RIMS1: variants seen among roughly 807,000 people sequenced by gnomAD.
RIMS1 encodes regulating synaptic membrane exocytosis protein 1.
RIMS1 carries 83 observed loss-of-function variants against 214.1 expected under a neutral mutation model. The observed-to-expected ratio is 0.39, with a 90% CI of 0.32 to 0.47. The LOEUF (loss-of-function observed/expected upper bound fraction) is 0.47. RIMS1 is among the 20% of genes least tolerant of loss of function. RIMS1 has a pLI of 0.99. For synonymous variants in RIMS1, 793 were observed against 786.8 expected (o/e 1.01, Z -0.13); for missense variants, 2,050 against 2,161.8 (o/e 0.95, Z 1.03).
chr6:72,034,336 T>C (rs979269940), intron 2 of RIMS1, among the ~76,000 whole-genome samples: 2 of 152,180 alleles, frequency 1.3e-5, no homozygotes, highest in African/African-American at 2.4e-5. Flanking sequence ...TCTATACTTA[T>C]TTGCTAAATC....
Position 72,152,906 on chromosome 6 carries a change from A to G in RIMS1, c.472-26669A>G, listed in dbSNP as rs1347675625. Among the ~76,000 whole-genome samples, 61 of 110,530 alleles carry G rather than the reference A, an allele frequency of 5.5e-4. No individual in the cohort carries two copies. In the East Asian group the frequency reaches 7.3e-3, roughly 13 times the overall value. The allele number at this position is 110,530 out of a possible 152,430, so 72.5% of individuals were successfully genotyped here. A position where few individuals can be genotyped will look rare whatever the true frequency, so the allele number is the denominator to read the frequency against. On this transcript the variant is annotated intron_variant, in intron 4 of 33. Transcript: ENST00000521978. ...TATGTATATATATGTATATATATGGAATATATGTATATATATGTATATATA... is the reference window on the plus strand; with the variant it reads ...TATGTATATATATGTATATATATGGGATATATGTATATATATGTATATATA...
At chr6:72,350,786 T>C (rs2097421112) in intron 29 of RIMS1, among the ~76,000 whole-genome samples, 1 of 152,182 alleles carries the variant, frequency 6.6e-6, no homozygotes, top group Non-Finnish European at 1.5e-5. Context: ...AGAGAGATTC[T>C]TTCTTTATAG....
intron 6 of RIMS1, among the ~76,000 whole-genome samples, chr6:72,206,325 T>C (rs2052903193): frequency 6.6e-6 from 1 of 152,230 alleles, no homozygotes; most frequent in Non-Finnish European, 1.5e-5. Flanking sequence ...TTAAATCATA[T>C]GTCTATGAAA....
chr6:72,335,136 C>T (rs910144866), intron 29 of RIMS1, among the ~76,000 whole-genome samples: 6 of 151,974 alleles, frequency 3.9e-5, no homozygotes, highest in East Asian at 3.9e-4. Context: ...TAGGTATACA[C>T]GTGCCGTGAT....
chr6:72,022,801 A>C (rs1815138873), intron 2 of RIMS1, among the ~76,000 whole-genome samples: 1 of 152,224 alleles, frequency 6.6e-6, no homozygotes. Flanking sequence ...TATTAGGTGC[A>C]AATAAAGAGG....
At chr6:72,231,562 G>T (rs1428338254) in intron 6 of RIMS1, among the ~76,000 whole-genome samples, 1 of 151,630 alleles carries the variant, frequency 6.6e-6, no homozygotes, top group East Asian at 1.9e-4. Flanking sequence ...TTTATTACGG[G>T]ATACTGTATG....
intron 4 of RIMS1, among the ~76,000 whole-genome samples, chr6:72,153,236 A>G (rs2043975880): frequency 6.6e-6 from 1 of 151,344 alleles, no homozygotes; most frequent in African/African-American, 2.4e-5. Context: ...ACACTTCTGA[A>G]TCAATTTACT....
At chr6:72,034,330 T>C (rs569972670) in intron 2 of RIMS1, among the ~76,000 whole-genome samples, 8 of 152,188 alleles carry the variant, frequency 5.3e-5, no homozygotes, top group Non-Finnish European at 1.0e-4. Context: ...CTGTCCTCTA[T>C]ACTTATTTGC....
At chr6:72,088,054 C>T (rs1253129412) in intron 2 of RIMS1, among the ~76,000 whole-genome samples, 2 of 152,028 alleles carry the variant, frequency 1.3e-5, no homozygotes, top group African/African-American at 4.8e-5. Context: ...CTACTACAGG[C>T]TTCATCTTCA....
At chr6:72,348,822 T>A (rs2097352291) in intron 29 of RIMS1, among the ~76,000 whole-genome samples, 1 of 151,966 alleles carries the variant, frequency 6.6e-6, no homozygotes, top group African/African-American at 2.4e-5. Flanking sequence ...AATATTTTAT[T>A]AGAAAATTAT....
At chr6:72,107,992 T>C (rs2035113228) in intron 4 of RIMS1, among the ~76,000 whole-genome samples, 1 of 152,056 alleles carries the variant, frequency 6.6e-6, no homozygotes, top group South Asian at 2.1e-4. Flanking sequence ...TCTGTTTTTT[T>C]GTTTGTTTGT....
intron 6 of RIMS1, among the ~76,000 whole-genome samples, chr6:72,215,032 A>G (rs2055217272): frequency 6.6e-6 from 1 of 152,136 alleles, no homozygotes; most frequent in African/African-American, 2.4e-5. Context: ...TGATTCATGC[A>G]TTCTTAAATT....
At chr6:72,050,105 C>A (rs920565034) in intron 2 of RIMS1, among the ~76,000 whole-genome samples, 2 of 152,118 alleles carry the variant, frequency 1.3e-5, no homozygotes, top group Admixed American at 6.5e-5. Flanking sequence ...CACATACACA[C>A]ACACCCCACC....
intron 29 of RIMS1, among the ~76,000 whole-genome samples, chr6:72,363,081 G>A (rs117058609): frequency 1.0e-3 from 159 of 152,182 alleles, no homozygotes; most frequent in African/African-American, 3.5e-3. Context: ...TGTCCTACAC[G>A]GGGACTTAAC....
chr6:72,056,558 C>G (rs913605775), intron 2 of RIMS1, among the ~76,000 whole-genome samples: 1 of 152,202 alleles, frequency 6.6e-6, no homozygotes, highest in African/African-American at 2.4e-5. Flanking sequence ...AGACTTTTTA[C>G]TTTCATATTT....
At chr6:71,938,738 C>A (rs747390703) in intron 1 of RIMS1, among the ~76,000 whole-genome samples, 1 of 152,122 alleles carries the variant, frequency 6.6e-6, no homozygotes, top group Non-Finnish European at 1.5e-5. Context: ...GGAGGGGCAA[C>A]CTTGAATGTC....
chr6:72,384,689 C>T (rs1344381971), intron 29 of RIMS1, among the ~76,000 whole-genome samples: 1 of 152,118 alleles, frequency 6.6e-6, no homozygotes, highest in Admixed American at 6.6e-5. Flanking sequence ...CTTATATTTA[C>T]CAGCATAGAT....
At chr6:72,358,380 A>G (rs1653719465) in intron 29 of RIMS1, among the ~76,000 whole-genome samples, 1 of 152,026 alleles carries the variant, frequency 6.6e-6, no homozygotes, top group Non-Finnish European at 1.5e-5. Flanking sequence ...TTTTTTAGTG[A>G]GTATTTTTCT....
chr6:72,246,002 G>A (rs1322628765), intron 11 of RIMS1, 141 bp downstream of exon 11: 2 of 565,476 alleles, frequency 3.5e-6, no homozygotes, highest in Admixed American at 3.1e-5. Context: ...TGTTGGCAAT[G>A]ATGGCAATAA....
Sources: allele counts gnomAD v4.1 joint callset (sites outside exome capture counted in the v4.1 genomes callset), GRCh38; gene constraint gnomAD v4.1.1; transcripts MANE v1.5; gene names NCBI Gene and HGNC (gene_info 2026-07-23, HGNC 2026-07-21).